PARD3: variants seen among roughly 807,000 people sequenced by gnomAD.
PARD3 encodes the protein par-3 family cell polarity regulator.
PARD3 carries 75 observed loss-of-function variants against 155.4 expected under a neutral mutation model. That is an observed-to-expected ratio of 0.48 (90% confidence interval 0.40 to 0.58). The LOEUF (loss-of-function observed/expected upper bound fraction) is 0.58, where lower values mean the gene tolerates loss of function less well. PARD3 is among the 20% of genes least tolerant of loss of function. The pLI, the probability that PARD3 is intolerant of heterozygous loss-of-function variation, is 0.00. For synonymous variants in PARD3, 576 were observed against 610.5 expected, an observed-to-expected ratio of 0.94 and a Z score of 0.83; for missense variants, 1,642 against 1,721.7, an observed-to-expected ratio of 0.95 and a Z score of 0.82.
chr10:34,177,513 A>C (rs1203567367), intron 22 of PARD3, among the ~76,000 whole-genome samples: 2 of 152,236 alleles, frequency 1.3e-5, no homozygotes, highest in Admixed American at 6.5e-5. Context: ...AGACAAAGTA[A>C]TTAAGAAGAA....
intron 7 of PARD3, among the ~76,000 whole-genome samples, chr10:34,397,208 T>C (rs1157759432): frequency 6.6e-6 from 1 of 152,110 alleles, no homozygotes; most frequent in African/African-American, 2.4e-5. Flanking sequence ...TTCTTGGAGA[T>C]TTGTATCTGT....
intron 3 of PARD3, among the ~76,000 whole-genome samples, chr10:34,515,598 T>C (rs1220064243): frequency 6.6e-6 from 1 of 152,212 alleles, no homozygotes; most frequent in Non-Finnish European, 1.5e-5. Context: ...TGGGTTCTGA[T>C]GGGCTAACAG....
At chr10:34,473,907 C>T (rs2078526637) in intron 3 of PARD3, among the ~76,000 whole-genome samples, 1 of 152,252 alleles carries the variant, frequency 6.6e-6, no homozygotes, top group South Asian at 2.1e-4. Flanking sequence ...TCTGCAGAAG[C>T]AGTCACAGAG....
chr10:34,232,732 G>A (rs771450295), intron 22 of PARD3, among the ~76,000 whole-genome samples: 9 of 152,066 alleles, frequency 5.9e-5, no homozygotes, highest in Non-Finnish European at 8.8e-5. Context: ...ACAAAGTCTT[G>A]CTGTATTGCC....
chr10:34,233,581 C>G (rs546098886), intron 22 of PARD3, among the ~76,000 whole-genome samples: 17 of 152,222 alleles, frequency 1.1e-4, no homozygotes, highest in East Asian at 7.7e-4. Flanking sequence ...TCAACACTTA[C>G]AATGCTCTAA....
At chr10:34,333,900 A>T (rs1835875787) in intron 18 of PARD3, among the ~76,000 whole-genome samples, 1 of 152,142 alleles carries the variant, frequency 6.6e-6, no homozygotes, top group African/African-American at 2.4e-5. Flanking sequence ...TTCTCAGCGA[A>T]GTTATTAAAA....
intron 22 of PARD3, among the ~76,000 whole-genome samples, chr10:34,215,659 A>G (rs539167585): frequency 2.0e-5 from 3 of 152,372 alleles, no homozygotes; most frequent in East Asian, 1.9e-4. Flanking sequence ...GTACATAAAC[A>G]TAGGCTTAAC....
chr10:34,630,843 A>ATTT (rs1361328871), intron 2 of PARD3, among the ~76,000 whole-genome samples: 1 of 146,498 alleles, frequency 6.8e-6, no homozygotes, highest in Non-Finnish European at 1.5e-5. Context: ...TTATTTATTG[A>ATTT]AACAAGGGGT....
intron 2 of PARD3, among the ~76,000 whole-genome samples, chr10:34,565,487 G>A (rs560321518): frequency 6.6e-5 from 10 of 151,742 alleles, no homozygotes; most frequent in African/African-American, 2.2e-4. Flanking sequence ...TACTGGTCTC[G>A]AACTCCTGAC....
At chr10:34,756,092 A>G (rs1836683706) in intron 1 of PARD3, among the ~76,000 whole-genome samples, 1 of 150,312 alleles carries the variant, frequency 6.7e-6, no homozygotes, top group South Asian at 2.1e-4. Flanking sequence ...ATCACTGTAC[A>G]GGTTGGCAGT....
intron 22 of PARD3, among the ~76,000 whole-genome samples, chr10:34,198,073 C>T (rs950680540): frequency 8.5e-5 from 13 of 152,172 alleles, no homozygotes; most frequent in African/African-American, 1.9e-4. Context: ...AAATGGTTTT[C>T]GGACCTTGCT....
chr10:34,591,161 C>T (rs2134364051), intron 2 of PARD3, among the ~76,000 whole-genome samples: 2 of 152,210 alleles, frequency 1.3e-5, no homozygotes, highest in South Asian at 4.2e-4. Flanking sequence ...CCCCATCCCA[C>T]TCCACATCGT....
At chr10:34,804,898 G>A (rs942801663) in intron 1 of PARD3, among the ~76,000 whole-genome samples, 8 of 152,100 alleles carry the variant, frequency 5.3e-5, no homozygotes, top group Admixed American at 2.0e-4. Context: ...TCTTTTGATT[G>A]GTTAGCAATT....
intron 9 of PARD3, among the ~76,000 whole-genome samples, chr10:34,379,886 T>A (rs1393707560): frequency 1.3e-5 from 2 of 152,128 alleles, no homozygotes; most frequent in Non-Finnish European, 2.9e-5. Context: ...GTTGTCATGT[T>A]ATATAACATA....
chr10:34,636,073 G>GGAAGGAA (rs780104260), intron 2 of PARD3, among the ~76,000 whole-genome samples: 4 of 152,002 alleles, frequency 2.6e-5, no homozygotes, highest in Non-Finnish European at 5.9e-5. Context: ...GAAGAAGGAA[G>GGAAGGAA]GAAGGAAGAA....
chr10:34,181,243 A>C (rs1040172123), intron 22 of PARD3, among the ~76,000 whole-genome samples: 11 of 152,192 alleles, frequency 7.2e-5, no homozygotes, highest in African/African-American at 2.7e-4. Context: ...CTTCAAACTA[A>C]AGTGCAAAGA....
intron 20 of PARD3, among the ~76,000 whole-genome samples, chr10:34,306,161 G>A (rs904966625): frequency 3.3e-5 from 5 of 151,370 alleles, no homozygotes; most frequent in African/African-American, 7.3e-5. Flanking sequence ...GCTCATGCCT[G>A]TAATCGCAGC....
chr10:34,607,042 T>C (rs927136017), intron 2 of PARD3, among the ~76,000 whole-genome samples: 4 of 150,518 alleles, frequency 2.7e-5, no homozygotes, highest in South Asian at 4.2e-4. Flanking sequence ...GATTTGTAGA[T>C]AGATGCATAA....
At chr10:34,406,285 G>C (rs1296982762) in intron 5 of PARD3, among the ~76,000 whole-genome samples, 3 of 152,188 alleles carry the variant, frequency 2.0e-5, no homozygotes, top group Admixed American at 2.0e-4. Flanking sequence ...GAAATTTTGA[G>C]ACTTGCAAAG....
Sources: allele counts gnomAD v4.1 joint callset (sites outside exome capture counted in the v4.1 genomes callset), GRCh38; gene constraint gnomAD v4.1.1; transcripts MANE v1.5; gene names NCBI Gene and HGNC (gene_info 2026-07-23, HGNC 2026-07-21).